The following PALLD variants were observed in gnomAD, a reference collection of about 807,000 sequenced individuals.
PALLD encodes the protein palladin, cytoskeletal associated protein, also known as palladin.
Under a neutral mutation model 123.5 loss-of-function variants are expected in PALLD, and 61 were observed. That is an observed-to-expected ratio of 0.49 (90% confidence interval 0.40 to 0.61). The LOEUF (loss-of-function observed/expected upper bound fraction) is 0.61, where lower values mean the gene tolerates loss of function less well. Among genes scored for constraint, PALLD ranks in the 20% least tolerant of loss-of-function variants. The pLI is 0.00. For missense variants in PALLD, 1,273 were observed against 1,377.0 expected, an observed-to-expected ratio of 0.92 and a Z score of 1.20; for synonymous variants, 465 against 496.4, an observed-to-expected ratio of 0.94 and a Z score of 0.84.
chr4:168,614,727 AG>A (rs1278050152), intron 2 of PALLD, among the ~76,000 whole-genome samples: 1 of 152,234 alleles, frequency 6.6e-6, no homozygotes, highest in Non-Finnish European at 1.5e-5. Context: ...TCACAGGAAA[AG>A]AACCTAATGC....
intron 2 of PALLD, among the ~76,000 whole-genome samples, chr4:168,533,983 T>C (rs115269865): frequency 0.014 from 2,202 of 152,272 alleles, 32 homozygotes; most frequent in Non-Finnish European, 0.023. Flanking sequence ...TTAATAAATA[T>C]TAGAATGGCC....
At position 168,573,823 on chromosome 4, in the gene PALLD, A is replaced by G. The variant is rs188205628; in HGVS notation, c.908+61411A>G. Among the ~76,000 whole-genome samples, 9 of 152,250 alleles carry G rather than the reference A, an allele frequency of 5.9e-5. No homozygotes were observed. In the East Asian group the frequency reaches 1.7e-3, roughly 29 times the overall value. Reference sequence around the variant, plus strand: ...GGAAAAACAGTAACCCTGGTATTGTATTTCTAAATGCTTGAGACTACTAAC... The same window carrying G: ...GGAAAAACAGTAACCCTGGTATTGTGTTTCTAAATGCTTGAGACTACTAAC... On this transcript the variant is annotated intron_variant, in intron 2 of 21. Transcript: ENST00000505667.
At chr4:168,589,402 A>G (rs1283768890) in intron 2 of PALLD, among the ~76,000 whole-genome samples, 1 of 152,172 alleles carries the variant, frequency 6.6e-6, no homozygotes, top group Non-Finnish European at 1.5e-5. Context: ...CCTCTGAGTC[A>G]GAATTCTGAG....
At chr4:168,578,228 CT>C (rs1481888163) in intron 2 of PALLD, among the ~76,000 whole-genome samples, 1 of 150,726 alleles carries the variant, frequency 6.6e-6, no homozygotes, top group African/African-American at 2.5e-5. Context: ...TCAAATAGCC[CT>C]TACAAAAGCA....
At chr4:168,742,287 CTG>C (rs1788429059) in intron 10 of PALLD, among the ~76,000 whole-genome samples, 1 of 152,310 alleles carries the variant, frequency 6.6e-6, no homozygotes, top group East Asian at 1.9e-4. Context: ...CTGACCTATG[CTG>C]TGTCTACTCT....
At chr4:168,801,519 C>G (rs892331289) in intron 10 of PALLD, among the ~76,000 whole-genome samples, 3 of 152,162 alleles carry the variant, frequency 2.0e-5, no homozygotes, top group African/African-American at 7.2e-5. Context: ...ACCTCGTGAT[C>G]TGCCCGCCTC....
At chr4:168,718,930 C>A (rs1194185961) in intron 10 of PALLD, among the ~76,000 whole-genome samples, 1 of 128,734 alleles carries the variant, frequency 7.8e-6, no homozygotes, top group African/African-American at 2.9e-5. Context: ...TTTTTTGAGA[C>A]GGAGTCTCGC....
At chr4:168,780,757 G>A (rs28423976) in intron 10 of PALLD, among the ~76,000 whole-genome samples, 47,226 of 151,984 alleles carry the variant, frequency 0.31, 8,349 homozygotes, top group Non-Finnish European at 0.41. Context: ...GCACAATCTC[G>A]GCTCACTGCA....
At position 168,651,039 on chromosome 4, in the gene PALLD, G is replaced by C. The variant is rs1777988029; in HGVS notation, c.909-17151G>C. Among the ~76,000 whole-genome samples the C allele has an allele frequency of 7.2e-5, 11 of 152,274 alleles. 1 individual carries two copies. In the South Asian group the frequency reaches 2.3e-3, roughly 32 times the overall value. ...AGGGGTTTGGAAAGTGCCTTTTCAGGATCGTAATTAAACTTAGCTAATTGT... is the reference window on the plus strand; with the variant it reads ...AGGGGTTTGGAAAGTGCCTTTTCAGCATCGTAATTAAACTTAGCTAATTGT... On this transcript the variant is annotated intron_variant, in intron 2 of 21. Transcript: ENST00000505667.
At chr4:168,743,856 C>A (rs1788601843) in intron 10 of PALLD, among the ~76,000 whole-genome samples, 1 of 152,140 alleles carries the variant, frequency 6.6e-6, no homozygotes, top group Non-Finnish European at 1.5e-5. Context: ...TATCTGTGGA[C>A]ATCTCCCAGA....
At position 168,568,126 on chromosome 4, in the gene PALLD, A is replaced by T. The variant is rs527389505; in HGVS notation, c.908+55714A>T. On this transcript the variant is annotated intron_variant, in intron 2 of 21. Transcript: ENST00000505667. ...AAGCAACATGGGCCCTTTTGGTTTT[A>T]TGAATATATTAGTTTATTAGTTTTT... is the stretch of plus-strand genomic sequence containing the variant. Among the ~76,000 whole-genome samples, 18 of 152,178 alleles carry T rather than the reference A, an allele frequency of 1.2e-4. 1 individual carries two copies. The highest frequency in any genetic ancestry group is 4.3e-4 in the African/African-American group (18 of 41,552).
intron 10 of PALLD, among the ~76,000 whole-genome samples, chr4:168,845,092 G>T (rs1746626388): frequency 6.6e-6 from 1 of 152,116 alleles, no homozygotes; most frequent in Non-Finnish European, 1.5e-5. Flanking sequence ...CCGGAGGATG[G>T]CAGGTGACTG....
chr4:168,877,806 G>A (rs1751965405), intron 10 of PALLD: 1 of 1,243,400 alleles, frequency 8.0e-7, no homozygotes, highest in East Asian at 3.5e-5. Flanking sequence ...CCAGCCCCGC[G>A]CAGCGCGCCG....
chr4:168,886,187 A>G (rs2151166744), intron 10 of PALLD, among the ~76,000 whole-genome samples: 1 of 152,242 alleles, frequency 6.6e-6, no homozygotes, highest in East Asian at 1.9e-4. Context: ...TAAAATCTTA[A>G]TACATAGAAT....
intron 15 of PALLD, among the ~76,000 whole-genome samples, chr4:168,912,493 C>G (rs1017184610): frequency 4.6e-4 from 70 of 152,168 alleles, no homozygotes; most frequent in African/African-American, 1.6e-3. Flanking sequence ...GAAACAAAAA[C>G]CAAAGTAACA....
chr4:168,565,543 G>T lies in PALLD; in HGVS notation c.908+53131G>T, dbSNP rs185029769. Among the ~76,000 whole-genome samples, 122 of 152,174 alleles carry T rather than the reference G, an allele frequency of 8.0e-4. 1 individual carries two copies. The highest frequency in any genetic ancestry group is 2.7e-3 in the African/African-American group (114 of 41,536). ...ATCCAGCTTGACTTAAGCCAGAGGA[G>T]CTCCAGAGAGAGGCACATGAGGAGA... On this transcript the variant is annotated intron_variant, in intron 2 of 21. Transcript: ENST00000505667.
intron 2 of PALLD, among the ~76,000 whole-genome samples, chr4:168,650,510 T>C (rs982600250): frequency 3.9e-5 from 6 of 152,238 alleles, no homozygotes; most frequent in African/African-American, 1.4e-4. Flanking sequence ...AAGTTTTCCT[T>C]TGTGAAAAGT....
At chr4:168,888,495 TCTC>T (rs1218430654) in intron 10 of PALLD, among the ~76,000 whole-genome samples, 1 of 152,168 alleles carries the variant, frequency 6.6e-6, no homozygotes, top group Non-Finnish European at 1.5e-5. Flanking sequence ...ACATATGGGT[TCTC>T]CTCTTACAGT....
chr4:168,631,241 A>T (rs1400198365), intron 2 of PALLD, among the ~76,000 whole-genome samples: 1 of 152,244 alleles, frequency 6.6e-6, no homozygotes, highest in Non-Finnish European at 1.5e-5. Context: ...GGAAGGGTAC[A>T]GAAGGAACCT....
Sources: allele counts gnomAD v4.1 joint callset (sites outside exome capture counted in the v4.1 genomes callset), GRCh38; gene constraint gnomAD v4.1.1; transcripts MANE v1.5; gene names NCBI Gene and HGNC (gene_info 2026-07-23, HGNC 2026-07-21).